The following LHFPL6 variants were observed in gnomAD, a reference collection of about 807,000 sequenced individuals.
LHFPL6 encodes the protein LHFPL tetraspan subfamily member 6 protein.
A neutral mutation model predicts 20.6 loss-of-function variants in LHFPL6; 9 were observed. The observed-to-expected ratio is 0.44, with a 90% CI of 0.26 to 0.76. The LOEUF is 0.76. Among genes scored for constraint, LHFPL6 ranks in the 30% least tolerant of loss-of-function variants. The pLI, the probability that LHFPL6 is intolerant of heterozygous loss-of-function variation, is 0.20. For missense variants in LHFPL6, 218 were observed against 253.5 expected, an observed-to-expected ratio of 0.86 and a Z score of 0.95; for synonymous variants, 105 against 98.7, an observed-to-expected ratio of 1.06 and a Z score of -0.38.
At chr13:39,388,079 A>T (rs555295287) in intron 2 of LHFPL6, among the ~76,000 whole-genome samples, 2 of 152,354 alleles carry the variant, frequency 1.3e-5, no homozygotes, top group East Asian at 3.9e-4. Context: ...CAAGGAAAGC[A>T]TATCTTATTC....
intron 2 of LHFPL6, among the ~76,000 whole-genome samples, chr13:39,412,504 T>A (rs1871257303): frequency 6.6e-6 from 1 of 152,240 alleles, no homozygotes; most frequent in South Asian, 2.1e-4. Flanking sequence ...ACTAACTATG[T>A]TTTGGGAACT....
chr13:39,391,359 CT>C (rs1424313157), intron 2 of LHFPL6, among the ~76,000 whole-genome samples: 1 of 152,136 alleles, frequency 6.6e-6, no homozygotes, highest in East Asian at 1.9e-4. Context: ...CTATGTTCCC[CT>C]TTGGCGTTGT....
intron 3 of LHFPL6, among the ~76,000 whole-genome samples, chr13:39,355,067 G>A (rs1338668271): frequency 6.8e-6 from 1 of 147,242 alleles, no homozygotes; most frequent in African/African-American, 2.5e-5. Context: ...ACCCCAGCAA[G>A]GTACCATACT....
chr13:39,499,458 C>T (rs1464662841), intron 2 of LHFPL6, among the ~76,000 whole-genome samples: 1 of 152,172 alleles, frequency 6.6e-6, no homozygotes, highest in African/African-American at 2.4e-5. Flanking sequence ...ACCTGCAGCC[C>T]AGGCATCCTC....
intron 3 of LHFPL6, among the ~76,000 whole-genome samples, chr13:39,357,210 T>G (rs1869749168): frequency 6.6e-6 from 1 of 151,744 alleles, no homozygotes; most frequent in African/African-American, 2.4e-5. Context: ...ACAAAAAAAG[T>G]AAAAAGCTAC....
intron 2 of LHFPL6, among the ~76,000 whole-genome samples, chr13:39,470,054 G>A (rs946262665): frequency 2.6e-5 from 4 of 152,116 alleles, no homozygotes; most frequent in African/African-American, 9.7e-5. Flanking sequence ...AACTTAGAGG[G>A]CTTGAATAAT....
chr13:39,491,725 GAGCCACC>G (rs1212709913), intron 2 of LHFPL6, among the ~76,000 whole-genome samples: 3 of 152,178 alleles, frequency 2.0e-5, no homozygotes, highest in Non-Finnish European at 2.9e-5. Flanking sequence ...TCTGCAATGT[GAGCCACC>G]AGCCACATGC....
chr13:39,576,290 T>C (rs758581222), intron 2 of LHFPL6, among the ~76,000 whole-genome samples: 220 of 152,298 alleles, frequency 1.4e-3, no homozygotes, highest in Non-Finnish European at 2.8e-3. Flanking sequence ...TGAATGAGAA[T>C]AGATTGCTTA....
rs1022630426 is a variant in LHFPL6, at chr13:39,461,545, C to T, written c.386-83019G>A. 2.2e-4 allele frequency among the ~76,000 whole-genome samples: 34 copies of T among 152,210 alleles called. 1 individual carries two copies. The highest frequency in any genetic ancestry group is 7.5e-4 in the African/African-American group (31 of 41,522). ...CTAGTTCCACAGTCCACAGACAAACCGGAGAACTTTAACATCATCACAAAT... is the reference window on the plus strand; with the variant it reads ...CTAGTTCCACAGTCCACAGACAAACTGGAGAACTTTAACATCATCACAAAT... On this transcript the variant is annotated intron_variant, in intron 2 of 3. Transcript: ENST00000379589.
chr13:39,384,750 C>CT (rs1870520427), intron 2 of LHFPL6, among the ~76,000 whole-genome samples: 1 of 152,140 alleles, frequency 6.6e-6, no homozygotes, highest in South Asian at 2.1e-4. Flanking sequence ...AGCTCACAAG[C>CT]TTTAATATTA....
chr13:39,576,284 T>C (rs1351246255), intron 2 of LHFPL6, among the ~76,000 whole-genome samples: 5 of 152,192 alleles, frequency 3.3e-5, no homozygotes, highest in Admixed American at 6.5e-5. Flanking sequence ...GGGCCATGAA[T>C]GAGAATAGAT....
At chr13:39,414,416 T>G (rs79745538) in intron 2 of LHFPL6, among the ~76,000 whole-genome samples, 6,341 of 152,250 alleles carry the variant, frequency 0.042, 433 homozygotes, top group African/African-American at 0.14. Flanking sequence ...CATTAGAAGC[T>G]TATCTTGTCA....
chr13:39,396,952 C>T (rs147823583), intron 2 of LHFPL6, among the ~76,000 whole-genome samples: 4 of 152,234 alleles, frequency 2.6e-5, no homozygotes, highest in Non-Finnish European at 5.9e-5. Context: ...TCTCTAGAAC[C>T]TTCAGAGGGA....
intron 2 of LHFPL6, among the ~76,000 whole-genome samples, chr13:39,384,272 C>G (rs950015277): frequency 4.6e-5 from 7 of 152,190 alleles, no homozygotes; most frequent in Non-Finnish European, 1.0e-4. Context: ...TGCCTTTAAG[C>G]ATGCCTGTGG....
chr13:39,529,912 A>T (rs899450129), intron 2 of LHFPL6, among the ~76,000 whole-genome samples: 1 of 152,246 alleles, frequency 6.6e-6, no homozygotes, highest in African/African-American at 2.4e-5. Context: ...TTTTGCACGA[A>T]GTGTCAAGAA....
At chr13:39,416,457 A>G (rs1053957854) in intron 2 of LHFPL6, among the ~76,000 whole-genome samples, 4 of 152,212 alleles carry the variant, frequency 2.6e-5, no homozygotes, top group African/African-American at 9.6e-5. Context: ...CTGTGGTGCC[A>G]CACAATGATA....
intron 2 of LHFPL6, among the ~76,000 whole-genome samples, chr13:39,391,056 G>T (rs73453080): frequency 1.3e-4 from 20 of 152,054 alleles, no homozygotes; most frequent in African/African-American, 4.8e-4. Flanking sequence ...AATGCAGAAA[G>T]TATCAATTGA....
intron 2 of LHFPL6, among the ~76,000 whole-genome samples, chr13:39,398,843 T>A (rs919926761): frequency 2.0e-5 from 3 of 152,332 alleles, no homozygotes; most frequent in East Asian, 3.9e-4. Flanking sequence ...ATCTACGTTG[T>A]GCACTCCTTA....
intron 2 of LHFPL6, among the ~76,000 whole-genome samples, chr13:39,430,241 C>T (rs73460943): frequency 6.6e-6 from 1 of 152,182 alleles, no homozygotes; most frequent in East Asian, 1.9e-4. Context: ...CCATCTTCAC[C>T]AAGCAACTGC....
Sources: gnomAD v4.1 joint callset for allele counts (sites outside exome capture counted in the v4.1 genomes callset) on GRCh38, gnomAD v4.1.1 for gene constraint, MANE v1.5 for transcripts, NCBI Gene and HGNC (gene_info 2026-07-23, HGNC 2026-07-21) for gene names.